The following TUB variants were observed in gnomAD, a reference collection of about 807,000 sequenced individuals.
The protein encoded by TUB is tubby protein homolog.
Under a neutral mutation model 59.7 loss-of-function variants are expected in TUB, and 33 were observed. The ratio of observed to expected loss-of-function variants is 0.55; its 90% CI spans 0.42 to 0.74. TUB has a LOEUF of 0.74. Among genes scored for constraint, TUB ranks in the 30% least tolerant of loss-of-function variants. The probability of loss-of-function intolerance (pLI) is 0.00; values close to 1 mark genes in which losing one functional copy is unlikely to be tolerated. For missense variants in TUB, 659 were observed against 672.0 expected, an observed-to-expected ratio of 0.98 and a Z score of 0.21; for synonymous variants, 293 against 256.4, an observed-to-expected ratio of 1.14 and a Z score of -1.36.
chr11:8,031,710 T>C (rs1942573430), intron 1 of TUB, among the ~76,000 whole-genome samples: 1 of 152,198 alleles, frequency 6.6e-6, no homozygotes, highest in Non-Finnish European at 1.5e-5. Flanking sequence ...GAGCTGGCCA[T>C]GCGCGATCTG....
At chr11:8,084,085 G>C (rs1176960664) in intron 1 of TUB, among the ~76,000 whole-genome samples, 1 of 152,194 alleles carries the variant, frequency 6.6e-6, no homozygotes, top group African/African-American at 2.4e-5. Context: ...ACTGGTGTGA[G>C]GTTTCCCTAA....
intron 1 of TUB, among the ~76,000 whole-genome samples, chr11:8,025,517 A>G (rs904309628): frequency 6.6e-6 from 1 of 152,196 alleles, no homozygotes; most frequent in Non-Finnish European, 1.5e-5. Flanking sequence ...CACTCCACCC[A>G]TCCTCAGGGA....
At chr11:8,056,973 A>G (rs951075427) in intron 2 of TUB, among the ~76,000 whole-genome samples, 1 of 152,112 alleles carries the variant, frequency 6.6e-6, no homozygotes, top group African/African-American at 2.4e-5. Flanking sequence ...TTCCCCCTCA[A>G]AGTTGAGGAA....
rs1198258264 is a variant in TUB at position 8,104,548 on chromosome 11, T to C, written c.*2929T>C. 6.6e-6 allele frequency: 1 copy of C among 152,200 alleles called. No homozygotes were observed. The highest frequency in any genetic ancestry group is 6.5e-5 in the Admixed American group (1 of 15,288). 9.4% of individuals were successfully genotyped at this position (152,200 alleles called of 1,614,324 possible). On this transcript the variant is annotated 3_prime_UTR_variant, in exon 12 of 12. Transcript: ENST00000299506. ...ATGAGTAGGAAAGGAATAAGGATGT[T>C]GTTATGATCGCCTGTGGATTTTGTC...
intron 1 of TUB, among the ~76,000 whole-genome samples, 155 bp from the exon 2 acceptor site, chr11:8,089,455 C>T (rs1207815247): frequency 1.3e-5 from 2 of 152,194 alleles, no homozygotes; most frequent in Non-Finnish European, 2.9e-5. Flanking sequence ...AGATGGCAGG[C>T]TCCACCCTTC....
At position 8,059,022 on chromosome 11, in the gene TUB, T is replaced by G. The variant is rs182829436; in HGVS notation, c.203+19330T>G. 2.9e-3 allele frequency among the ~76,000 whole-genome samples: 444 copies of G among 152,294 alleles called. 1 individual carries two copies. Among genetic ancestry groups the G allele is most frequent in the African/African-American group, 9.8e-3 (406 of 41,548 alleles). On this transcript the variant is annotated intron_variant, in intron 2 of 12. Transcript: ENST00000305253. ...GTCACTGTTAACACCCCGTAGGCCC[T>G]CCATTACACATAGTCCCAACATGTC...
chr11:8,095,921 CAT>C (rs1943973776), intron 5 of TUB, among the ~76,000 whole-genome samples: 2 of 152,204 alleles, frequency 1.3e-5, no homozygotes, highest in Admixed American at 1.3e-4. Context: ...AGAAGTTTCC[CAT>C]ATGTTTGCTG....
At chr11:8,077,892 A>T (rs917660788), upstream of TUB, 1 of 152,274 alleles carries the variant, frequency 6.6e-6, no homozygotes, top group Middle Eastern at 3.4e-3. Context: ...GGGCTAGTTG[A>T]TGTTTGATTG....
At chr11:8,082,100 C>T (rs1171504364) in intron 1 of TUB, among the ~76,000 whole-genome samples, 1 of 152,232 alleles carries the variant, frequency 6.6e-6, no homozygotes, top group Non-Finnish European at 1.5e-5. Context: ...GCCTGCATAT[C>T]TGTGCACGTC....
At chr11:8,100,736 C>G in intron 10 of TUB, 90 bp from the exon 11 acceptor site, 1 of 1,574,878 alleles carries the variant, frequency 6.3e-7, no homozygotes, top group Non-Finnish European at 8.7e-7. Context: ...TAGGGAAATC[C>G]AAGGACCCCC....
intron 1 of TUB, among the ~76,000 whole-genome samples, chr11:8,088,253 C>T (rs1440137660): frequency 6.6e-6 from 1 of 152,166 alleles, no homozygotes; most frequent in Non-Finnish European, 1.5e-5. Context: ...AGGTGGTGGG[C>T]AGTCTGTGTT....
At chr11:8,065,017 C>G (rs79467993) in intron 2 of TUB, among the ~76,000 whole-genome samples, 1 of 152,238 alleles carries the variant, frequency 6.6e-6, no homozygotes, top group Non-Finnish European at 1.5e-5. Context: ...AAGCAGGATG[C>G]TAGGGGATGA....
In TUB at chr11:8,104,187, C is replaced by T. The variant is rs1192027769; in HGVS notation, c.*2568C>T. 1 of 152,284 alleles carries T rather than the reference C, an allele frequency of 6.6e-6. No homozygotes were observed. The highest frequency in any genetic ancestry group is 1.9e-4 in the East Asian group (1 of 5,188). The allele number at this position is 152,284 out of a possible 1,614,324, so 9.4% of individuals were successfully genotyped here. A position where few individuals can be genotyped will look rare whatever the true frequency, so the allele number is the denominator to read the frequency against. On this transcript the variant is annotated 3_prime_UTR_variant, in exon 12 of 12. Transcript: ENST00000299506. ...GAGTTCTTGCCCTTCATACCCTCTA[C>T]CTGGATGGATGGTCTTTGGGCAGGG...
intron 2 of TUB, 53 bp from the exon 3 acceptor site, chr11:8,090,016 G>T (rs537084050): frequency 8.0e-5 from 121 of 1,516,466 alleles, no homozygotes; most frequent in Non-Finnish European, 1.0e-4. Context: ...ATAACTGGGA[G>T]CCCGCCCTTC....
At chr11:8,096,943 C>T (rs1944021086) in intron 6 of TUB, 137 bp downstream of exon 6, 1 of 1,041,196 alleles carries the variant, frequency 9.6e-7, no homozygotes, top group Non-Finnish European at 1.4e-6. Flanking sequence ...TACCTTGCCT[C>T]CTAACCTCTT....
chr11:8,101,842 A>C lies in TUB; in HGVS notation c.*223A>C. ...GGTGGGTGGGTGTGAAGGGATGAGA[A>C]TAATTCTTTCCATGCCACGAGATCA... is the stretch of plus-strand genomic sequence containing the variant. On this transcript the variant is annotated 3_prime_UTR_variant, in exon 12 of 12. Coordinates refer to ENST00000299506, the MANE Select transcript of TUB (RefSeq NM_177972.3). 1 of 470,328 alleles carries C rather than the reference A, an allele frequency of 2.1e-6. No homozygotes were observed. Among genetic ancestry groups the C allele is most frequent in the South Asian group, 7.7e-5 (1 of 12,914 alleles). 29.1% of individuals were successfully genotyped at this position (470,328 alleles called of 1,614,324 possible). A position where few individuals can be genotyped will look rare whatever the true frequency, so the allele number is the denominator to read the frequency against.
chr11:8,101,957 A>C lies in TUB; in HGVS notation c.*338A>C. On this transcript the variant is annotated 3_prime_UTR_variant, in exon 12 of 12. Coordinates refer to ENST00000299506, the MANE Select transcript of TUB (RefSeq NM_177972.3). ...TTCAGCTGGGAAGGCCGCAAGAGGC[A>C]TAGAGGGAGAGGAAGCACACTGCAG... 1 of 311,024 alleles carries C rather than the reference A, an allele frequency of 3.2e-6. No individual in the cohort carries two copies. Among genetic ancestry groups the C allele is most frequent in the South Asian group, 5.6e-5 (1 of 17,922 alleles). The allele number at this position is 311,024 out of a possible 1,614,324, so 19.3% of individuals were successfully genotyped here.
chr11:8,041,865 G>C (rs2133735492), intron 2 of TUB, among the ~76,000 whole-genome samples: 1 of 152,256 alleles, frequency 6.6e-6, no homozygotes, highest in South Asian at 2.1e-4. Context: ...AATTGACATT[G>C]GTCCAAATTC....
Position 8,101,579 on chromosome 11 carries a change from T to G in TUB, c.1481T>G (p.Ile494Ser). The change falls in exon 12 of 12, where the codon ATT (isoleucine) becomes AGT (serine). Residue 494 changes from isoleucine (I) to serine (S), a missense_variant. Ile to Ser is a moderately radical substitution (Grantham distance 142). This residue lies in a region of TUB where 226 missense variants were observed against 210.8 expected (regional missense o/e 1.07). Coordinates refer to ENST00000299506, the MANE Select transcript of TUB (RefSeq NM_177972.3). ...YPLCALQAFA[I>S]ALSSFDSKLA... ...CTGTGTGCACTGCAGGCCTTTGCCA[T>G]TGCCCTGTCCAGCTTCGACAGCAAG... 6.2e-7 allele frequency: 1 copy of G among 1,614,258 alleles called. No individual in the cohort carries two copies. Among genetic ancestry groups the G allele is most frequent in the Non-Finnish European group, 8.5e-7 (1 of 1,180,048 alleles).
Sources: gnomAD v4.1 joint callset for allele counts (sites outside exome capture counted in the v4.1 genomes callset) on GRCh38, gnomAD v4.1.1 for gene constraint, gnomAD v4.1.1 regional missense constraint, MANE v1.5 for transcripts, NCBI Gene and HGNC (gene_info 2026-07-23, HGNC 2026-07-21) for gene names.